Variants in FANCC observed in about 807,000 individuals in gnomAD.
FANCC encodes the protein Fanconi anemia group C protein.
A neutral mutation model predicts 71.3 loss-of-function variants in FANCC; 55 were observed. The ratio of observed to expected loss-of-function variants is 0.77; its 90% CI spans 0.62 to 0.97. The LOEUF is 0.97. Among genes scored for constraint, FANCC ranks in the 50% least tolerant of loss-of-function variants. The probability of loss-of-function intolerance (pLI) is 0.00; values close to 1 mark genes in which losing one functional copy is unlikely to be tolerated. For missense variants in FANCC, 678 were observed against 670.9 expected, an observed-to-expected ratio of 1.01 and a Z score of -0.12; for synonymous variants, 275 against 244.9, an observed-to-expected ratio of 1.12 and a Z score of -1.15.
At chr9:95,260,491 C>G (rs546541010) in intron 1 of FANCC, among the ~76,000 whole-genome samples, 2 of 151,920 alleles carry the variant, frequency 1.3e-5, no homozygotes, top group East Asian at 3.9e-4. Flanking sequence ...TCGAACAATG[C>G]GAACACATGG....
intron 5 of FANCC, 59 bp from the exon 6 acceptor site, chr9:95,171,202 T>C: frequency 7.5e-7 from 1 of 1,326,610 alleles, no homozygotes; most frequent in Admixed American, 1.7e-5. Flanking sequence ...ACATCAGTTC[T>C]ATTTTTCTTG....
chr9:95,292,623 A>C (rs1834111512), intron 1 of FANCC: 1 of 1,430,526 alleles, frequency 7.0e-7, no homozygotes, highest in African/African-American at 1.4e-5. Flanking sequence ...GATCCTGCCC[A>C]ACAGCCCCGC....
intron 4 of FANCC, among the ~76,000 whole-genome samples, chr9:95,175,391 CAGAGTTAG>C (rs1411714469): frequency 6.6e-6 from 1 of 152,150 alleles, no homozygotes; most frequent in Non-Finnish European, 1.5e-5. Flanking sequence ...AGGAACCTTA[CAGAGTTAG>C]AGAGTTAGAG....
intron 4 of FANCC, among the ~76,000 whole-genome samples, chr9:95,176,499 T>C (rs1477634547): frequency 6.6e-6 from 1 of 152,246 alleles, no homozygotes; most frequent in African/African-American, 2.4e-5. Context: ...TGGGGAGCTC[T>C]CCTATGCCCC....
chr9:95,107,293 G>C, intron 13 of FANCC, 24 bp from the exon 14 acceptor site: 1 of 1,608,656 alleles, frequency 6.2e-7, no homozygotes, highest in Non-Finnish European at 8.5e-7. Flanking sequence ...TTTCACAGGG[G>C]AGAGGTTAGG....
At chr9:95,275,843 A>C (rs1375914793) in intron 1 of FANCC, among the ~76,000 whole-genome samples, 3 of 151,942 alleles carry the variant, frequency 2.0e-5, no homozygotes, top group Non-Finnish European at 4.4e-5. Flanking sequence ...ACTTCACAAG[A>C]CCTCAGTCTC....
chr9:95,209,968 T>C (rs149869686), intron 4 of FANCC, among the ~76,000 whole-genome samples: 3 of 152,236 alleles, frequency 2.0e-5, no homozygotes, highest in Non-Finnish European at 4.4e-5. Flanking sequence ...AGCTCTACTG[T>C]TTGTAACAGC....
chr9:95,317,251 T>A (rs1835810881), intron 1 of FANCC: 1 of 149,350 alleles, frequency 6.7e-6, no homozygotes, highest in African/African-American at 2.5e-5. Flanking sequence ...CAGCGCCGGC[T>A]CCCGCCCCCG....
chr9:95,266,225 T>C (rs1832377200), intron 1 of FANCC, among the ~76,000 whole-genome samples: 1 of 152,240 alleles, frequency 6.6e-6, no homozygotes, highest in Non-Finnish European at 1.5e-5. Flanking sequence ...ACCTTTATGC[T>C]TGTAACTCTT....
intron 1 of FANCC, among the ~76,000 whole-genome samples, chr9:95,287,250 ATTG>A (rs1406938627): frequency 6.6e-6 from 1 of 151,898 alleles, no homozygotes; most frequent in African/African-American, 2.4e-5. Context: ...TCAGTTTTTT[ATTG>A]TTTTTTGTTG....
chr9:95,176,873 A>C (rs575321614), intron 4 of FANCC, among the ~76,000 whole-genome samples: 9 of 152,272 alleles, frequency 5.9e-5, no homozygotes, highest in African/African-American at 1.7e-4. Context: ...CTTTCCCCTA[A>C]CCCACAGCCT....
At chr9:95,141,985 G>GTTTTTTTTTTT (rs1163083695) in intron 7 of FANCC, among the ~76,000 whole-genome samples, 2 of 83,138 alleles carry the variant, frequency 2.4e-5, no homozygotes, top group Non-Finnish European at 2.1e-5. Flanking sequence ...AGTTTGTGGG[G>GTTTTTTTTTTT]TTTTTTTTTT....
At chr9:95,182,058 C>T (rs544648647) in intron 4 of FANCC, among the ~76,000 whole-genome samples, 2 of 152,192 alleles carry the variant, frequency 1.3e-5, no homozygotes, top group East Asian at 1.9e-4. Flanking sequence ...GGGTTTTGCT[C>T]AGGCAAAGGG....
chr9:95,159,620 A>G (rs1457708144), intron 6 of FANCC, among the ~76,000 whole-genome samples: 2 of 152,220 alleles, frequency 1.3e-5, no homozygotes, highest in Non-Finnish European at 1.5e-5. Context: ...TGTCTTCCAC[A>G]ATGGTTGAAC....
chr9:95,138,330 G>A (rs1312879025), intron 7 of FANCC, among the ~76,000 whole-genome samples: 1 of 152,224 alleles, frequency 6.6e-6, no homozygotes, highest in Non-Finnish European at 1.5e-5. Flanking sequence ...CCGTGCCTGT[G>A]CTTATGCCCC....
At chr9:95,308,348 G>A (rs1392587661) in intron 1 of FANCC, among the ~76,000 whole-genome samples, 2 of 151,618 alleles carry the variant, frequency 1.3e-5, no homozygotes, top group South Asian at 2.1e-4. Context: ...TTTGTGCAAT[G>A]GCCCAATCTC....
At chr9:95,292,053 C>A (rs547162244) in intron 1 of FANCC, among the ~76,000 whole-genome samples, 1 of 145,042 alleles carries the variant, frequency 6.9e-6, no homozygotes, top group Admixed American at 6.9e-5. Flanking sequence ...AGGCATCAAT[C>A]TTACCTGACT....
Position 95,161,049 on chromosome 9 carries a change from G to A in FANCC, c.521+10030C>T, listed in dbSNP as rs543804484. Reference sequence around the variant, plus strand: ...GACCCATGAATTCTGAGAAAAGCTTGATGGTAGGTAGGTGGGATCTTTTTG... The same window carrying A: ...GACCCATGAATTCTGAGAAAAGCTTAATGGTAGGTAGGTGGGATCTTTTTG... On this transcript the variant is annotated intron_variant, in intron 6 of 14. Transcript: ENST00000289081. 6.6e-5 allele frequency among the ~76,000 whole-genome samples: 10 copies of A among 152,276 alleles called. No individual in the cohort carries two copies. The South Asian group carries it at 1.0e-3, about 16-fold the overall frequency.
intron 1 of FANCC, chr9:95,293,546 A>G: frequency 6.2e-7 from 1 of 1,611,598 alleles, no homozygotes; most frequent in Non-Finnish European, 8.5e-7. Flanking sequence ...TAGGGAACAC[A>G]TGTCAGAAGA....
Sources: allele counts gnomAD v4.1 joint callset (sites outside exome capture counted in the v4.1 genomes callset), GRCh38; gene constraint gnomAD v4.1.1; transcripts MANE v1.5; gene names NCBI Gene and HGNC (gene_info 2026-07-23, HGNC 2026-07-21).